Variants in SLC44A5 observed in about 807,000 individuals in gnomAD.
SLC44A5 encodes the protein solute carrier family 44 member 5.
In SLC44A5, 57 loss-of-function variants were observed where a neutral mutation model predicts 101.8. That is an observed-to-expected ratio of 0.56 (90% CI 0.45 to 0.70). The LOEUF (loss-of-function observed/expected upper bound fraction) is 0.70, where lower values mean the gene tolerates loss of function less well. SLC44A5 is among the 30% of genes least tolerant of loss of function. The pLI, the probability that SLC44A5 is intolerant of heterozygous loss-of-function variation, is 0.00. For missense variants in SLC44A5, 737 were observed against 853.1 expected (o/e 0.86, Z 1.70); for synonymous variants, 281 against 290.9 (o/e 0.97, Z 0.35).
At chr1:75,572,086 G>A (rs1339309425) in intron 1 of SLC44A5, among the ~76,000 whole-genome samples, 1 of 152,166 alleles carries the variant, frequency 6.6e-6, no homozygotes, top group Non-Finnish European at 1.5e-5. Flanking sequence ...GATCTTTGTG[G>A]TTTGCAAGAT....
chr1:75,484,935 C>T (rs1277187624), intron 2 of SLC44A5, among the ~76,000 whole-genome samples: 3 of 152,354 alleles, frequency 2.0e-5, no homozygotes, highest in Non-Finnish European at 2.9e-5. Context: ...GGACACAGGG[C>T]ACCATGTCCA....
At chr1:75,519,865 T>A (rs1670025472) in intron 2 of SLC44A5, among the ~76,000 whole-genome samples, 2 of 152,256 alleles carry the variant, frequency 1.3e-5, no homozygotes, top group Admixed American at 1.3e-4. Flanking sequence ...TTTGGATTGC[T>A]GAAAGCAAGC....
At chr1:75,261,053 A>G (rs1469455735) in intron 6 of SLC44A5, among the ~76,000 whole-genome samples, 1 of 152,028 alleles carries the variant, frequency 6.6e-6, no homozygotes, top group Admixed American at 6.6e-5. Flanking sequence ...ATAGCACCAA[A>G]TGCCCACAAG....
chr1:75,209,868 A>G (rs1646819114), intron 23 of SLC44A5, among the ~76,000 whole-genome samples: 1 of 152,098 alleles, frequency 6.6e-6, no homozygotes, highest in Non-Finnish European at 1.5e-5. Context: ...GCAATGTGCT[A>G]GAGAAATAAT....
intron 1 of SLC44A5, among the ~76,000 whole-genome samples, chr1:75,572,756 T>A (rs1049220999): frequency 2.0e-5 from 3 of 152,078 alleles, no homozygotes; most frequent in Admixed American, 6.5e-5. Flanking sequence ...AGACTATTGA[T>A]ATGATCATAT....
At chr1:75,702,390 T>G in the SLC44A5 span, among the ~76,000 whole-genome samples, 7 of 151,880 alleles carry the variant, frequency 4.6e-5, no homozygotes, top group South Asian at 2.1e-4. Context: ...ACAAACCTGA[T>G]AAAAACAAGA....
At position 75,242,945 on chromosome 1, in the gene SLC44A5, C is replaced by T. The variant is rs1418118300; in HGVS notation, c.412G>A (p.Asp138Asn). The T allele has an allele frequency of 6.2e-7, 1 of 1,612,494 alleles. No individual in the cohort carries two copies. The highest frequency in any genetic ancestry group is 1.1e-5 in the South Asian group (1 of 90,868). Residue 138 changes from aspartate (D) to asparagine (N), a missense_variant, in exon 8 of 24, where the codon GAC becomes AAC. Around this residue, in one of 3 missense-constraint regions of SLC44A5, gnomAD observed 665 missense variants for 764.4 expected, o/e 0.87. Coordinates refer to ENST00000370859, the MANE Select transcript of SLC44A5 (RefSeq NM_001130058.2). Reference sequence around the variant, plus strand: ...CGGTAGTCTTCCCAGTAGCTTTTGTCTTTTGTGTACAAAAGTTGCATTTCC... The same window carrying T: ...CGGTAGTCTTCCCAGTAGCTTTTGTTTTTTGTGTACAAAAGTTGCATTTCC... ...YVEMQLLYTK[D>N]KSYWEDYRQF...
the SLC44A5 span, among the ~76,000 whole-genome samples, chr1:75,623,723 C>T: frequency 2.0e-5 from 3 of 151,996 alleles, no homozygotes; most frequent in Non-Finnish European, 4.4e-5. Context: ...ATATAATTTA[C>T]ACTTAAAAGT....
At chr1:75,540,240 A>C (rs564102834) in intron 2 of SLC44A5, among the ~76,000 whole-genome samples, 47 of 152,206 alleles carry the variant, frequency 3.1e-4, no homozygotes, top group Non-Finnish European at 5.3e-4. Flanking sequence ...AGTCTGTAAG[A>C]TAATTATTAT....
chr1:75,632,704 A>G, the SLC44A5 span, among the ~76,000 whole-genome samples: 1 of 152,116 alleles, frequency 6.6e-6, no homozygotes, highest in African/African-American at 2.4e-5. Context: ...AGACTCTATT[A>G]CCCACAGGGA....
intron 12 of SLC44A5, among the ~76,000 whole-genome samples, chr1:75,228,704 C>A (rs1370405855): frequency 6.6e-6 from 1 of 151,468 alleles, no homozygotes; most frequent in Non-Finnish European, 1.5e-5. Flanking sequence ...CTTCTCTACT[C>A]TTTTTGAGCA....
chr1:75,277,617 A>C (rs1401944267), intron 5 of SLC44A5, among the ~76,000 whole-genome samples: 2 of 152,040 alleles, frequency 1.3e-5, no homozygotes, highest in Non-Finnish European at 2.9e-5. Flanking sequence ...ATAATGTAGG[A>C]AAAGAGATGA....
chr1:75,318,369 T>TAGAAAGAAAGAA (rs1557657065), intron 4 of SLC44A5, among the ~76,000 whole-genome samples: 1 of 118,112 alleles, frequency 8.5e-6, no homozygotes, highest in Non-Finnish European at 1.7e-5. Context: ...ATCCCATCTC[T>TAGAAAGAAAGAA]TGAAAGAAAG....
At chr1:75,205,064 G>A (rs1376757637) in intron 23 of SLC44A5, 2 of 152,314 alleles carry the variant, frequency 1.3e-5, no homozygotes, top group East Asian at 3.9e-4. Flanking sequence ...TTGCCAAAAT[G>A]TGAAGCCAAC....
chr1:75,605,481 G>A (rs1675270565), intron 1 of SLC44A5, among the ~76,000 whole-genome samples: 1 of 152,022 alleles, frequency 6.6e-6, no homozygotes, highest in Non-Finnish European at 1.5e-5. Flanking sequence ...ATATTAAAAA[G>A]CTATAGTGAT....
chr1:75,722,892 G>T, the SLC44A5 span, among the ~76,000 whole-genome samples: 2 of 152,184 alleles, frequency 1.3e-5, no homozygotes, highest in African/African-American at 4.8e-5. Context: ...CCGTAATAAA[G>T]AAATCAATGT....
intron 14 of SLC44A5, among the ~76,000 whole-genome samples, chr1:75,220,829 CTATT>C (rs1647062927): frequency 6.6e-6 from 1 of 152,148 alleles, no homozygotes. Context: ...CCTCACCTCA[CTATT>C]TAATCTATAG....
chr1:75,455,191 G>A (rs144435451), intron 2 of SLC44A5, among the ~76,000 whole-genome samples: 29 of 152,094 alleles, frequency 1.9e-4, no homozygotes, highest in Admixed American at 1.6e-3. Context: ...GAACAGAATA[G>A]AGAACTCAGA....
At chr1:75,402,372 A>T (rs995714989) in intron 2 of SLC44A5, 6 of 322,928 alleles carry the variant, frequency 1.9e-5, no homozygotes, top group African/African-American at 8.7e-5. Flanking sequence ...GACATTTGAA[A>T]TGTTCACTAC....
Sources: gnomAD v4.1 joint callset for allele counts (sites outside exome capture counted in the v4.1 genomes callset) on GRCh38, gnomAD v4.1.1 for gene constraint, gnomAD v4.1.1 regional missense constraint, MANE v1.5 for transcripts, NCBI Gene and HGNC (gene_info 2026-07-23, HGNC 2026-07-21) for gene names.